The following FRMD4A variants were observed in gnomAD, a reference collection of about 807,000 sequenced individuals.
FRMD4A encodes the protein FERM domain-containing protein 4A.
FRMD4A carries 29 observed loss-of-function variants against 129.1 expected under a neutral mutation model. The ratio of observed to expected loss-of-function variants is 0.22; its 90% CI spans 0.17 to 0.31. The LOEUF is 0.31. Ranked by LOEUF, FRMD4A falls within the 10% of genes least tolerant of loss-of-function variation. The pLI is 1.00. For missense variants in FRMD4A, 1,272 were observed against 1,375.8 expected, an observed-to-expected ratio of 0.92 and a Z score of 1.19; for synonymous variants, 634 against 571.6, an observed-to-expected ratio of 1.11 and a Z score of -1.56.
chr10:14,220,995 A>G (rs976571430), intron 2 of FRMD4A, among the ~76,000 whole-genome samples: 1 of 151,956 alleles, frequency 6.6e-6, no homozygotes. Context: ...GAACCCTACC[A>G]TAATAGTCTG....
chr10:14,091,344 A>G (rs1195720157), intron 2 of FRMD4A, among the ~76,000 whole-genome samples: 2 of 152,200 alleles, frequency 1.3e-5, no homozygotes, highest in Non-Finnish European at 2.9e-5. Context: ...AAATAGCTGC[A>G]GGAAAAAATT....
intron 2 of FRMD4A, among the ~76,000 whole-genome samples, chr10:14,284,439 G>T (rs1415930898): frequency 6.6e-6 from 1 of 152,100 alleles, no homozygotes; most frequent in Non-Finnish European, 1.5e-5. Flanking sequence ...ACGAGATCAG[G>T]ACATCAAGAC....
At chr10:13,988,701 T>A (rs2095591642) in intron 2 of FRMD4A, among the ~76,000 whole-genome samples, 1 of 152,186 alleles carries the variant, frequency 6.6e-6, no homozygotes. Context: ...GTTGAACAGA[T>A]GGATGGATAG....
At chr10:14,178,657 T>C (rs529200930) in intron 2 of FRMD4A, among the ~76,000 whole-genome samples, 1 of 152,290 alleles carries the variant, frequency 6.6e-6, no homozygotes, top group South Asian at 2.1e-4. Context: ...CTAACACCCT[T>C]GACATTGATC....
chr10:13,768,193 G>T (rs2051867579), intron 6 of FRMD4A, among the ~76,000 whole-genome samples: 1 of 152,138 alleles, frequency 6.6e-6, no homozygotes, highest in African/African-American at 2.4e-5. Flanking sequence ...GCCGAAGGAA[G>T]AGGCCTGAGG....
At chr10:14,049,681 C>A (rs1232254667) in intron 2 of FRMD4A, among the ~76,000 whole-genome samples, 1 of 152,048 alleles carries the variant, frequency 6.6e-6, no homozygotes, top group Non-Finnish European at 1.5e-5. Context: ...ATGGCAAAAC[C>A]CTGTCTCTAC....
chr10:13,867,645 C>T lies in FRMD4A; in HGVS notation c.46-8733G>A, dbSNP rs28678225. Reference sequence around the variant, plus strand: ...TATGATATAATTATGATATATAATACATAATAAATATATAATATATAATAT... The same window carrying T: ...TATGATATAATTATGATATATAATATATAATAAATATATAATATATAATAT... On this transcript the variant is annotated intron_variant, in intron 2 of 24. Transcript: ENST00000357447. 1.2e-3 allele frequency among the ~76,000 whole-genome samples: 146 copies of T among 126,500 alleles called. 2 individuals carry two copies. The highest frequency in any genetic ancestry group is 4.3e-3 in the African/African-American group (144 of 33,234). 83.0% of individuals were successfully genotyped at this position (126,500 alleles called of 152,430 possible).
chr10:14,191,525 C>T (rs1170783348), intron 2 of FRMD4A, among the ~76,000 whole-genome samples: 1 of 152,192 alleles, frequency 6.6e-6, no homozygotes, highest in Non-Finnish European at 1.5e-5. Flanking sequence ...CGACCGCTCC[C>T]CTCTGTTTAT....
intron 2 of FRMD4A, among the ~76,000 whole-genome samples, chr10:13,882,054 A>C (rs1186501871): frequency 1.3e-5 from 2 of 149,008 alleles, no homozygotes; most frequent in Non-Finnish European, 3.0e-5. Context: ...TTAACATAAG[A>C]AAAGAAGTTT....
Position 13,846,306 on chromosome 10 carries a change from A to C in FRMD4A, c.111+12541T>G, listed in dbSNP as rs2094044868. Among the ~76,000 whole-genome samples the C allele has an allele frequency of 2.6e-5, 4 of 152,282 alleles. No individual in the cohort carries two copies. The South Asian group carries it at 8.3e-4, about 32-fold the overall frequency. On this transcript the variant is annotated intron_variant, in intron 3 of 24. Transcript: ENST00000357447. ...TACTTTCGCACCAACTAATACATTG[A>C]ACTTTTCAGGAATGTGTTTGCTTAT...
chr10:13,830,759 A>G (rs552119486), intron 3 of FRMD4A, among the ~76,000 whole-genome samples: 1 of 152,262 alleles, frequency 6.6e-6, no homozygotes, highest in East Asian at 1.9e-4. Flanking sequence ...GTGTGTGTGT[A>G]TGTGTGCACA....
At chr10:13,671,405 G>A (rs2083497804) in intron 16 of FRMD4A, among the ~76,000 whole-genome samples, 1 of 152,078 alleles carries the variant, frequency 6.6e-6, no homozygotes, top group Admixed American at 6.5e-5. Context: ...AGTGAGCCAA[G>A]ATCATGCCAC....
intron 2 of FRMD4A, among the ~76,000 whole-genome samples, chr10:14,185,625 C>G (rs576902525): frequency 8.6e-5 from 13 of 151,596 alleles, no homozygotes; most frequent in African/African-American, 2.9e-4. Flanking sequence ...GGGATATATA[C>G]TTCATGGTCA....
intron 2 of FRMD4A, among the ~76,000 whole-genome samples, chr10:14,215,810 C>T (rs528490830): frequency 6.6e-6 from 1 of 152,278 alleles, no homozygotes; most frequent in Non-Finnish European, 1.5e-5. Context: ...GGAAAGCCTA[C>T]CGTGAAATTA....
intron 24 of FRMD4A, among the ~76,000 whole-genome samples, chr10:13,650,746 G>A (rs761141715): frequency 3.7e-4 from 57 of 152,204 alleles, no homozygotes; most frequent in Non-Finnish European, 7.2e-4. Flanking sequence ...TTTCTCTACA[G>A]GAAACAAGAC....
At chr10:14,205,797 ACT>A (rs1159257157) in intron 2 of FRMD4A, among the ~76,000 whole-genome samples, 2 of 106,300 alleles carry the variant, frequency 1.9e-5, no homozygotes, top group East Asian at 2.7e-4. Flanking sequence ...ACAGAGCGAG[ACT>A]CTGTCTCAAA....
chr10:13,808,970 T>TACGCACGCACACACGCACGC (rs2093402039), intron 4 of FRMD4A, among the ~76,000 whole-genome samples: 2 of 152,188 alleles, frequency 1.3e-5, no homozygotes, highest in Admixed American at 6.5e-5. Flanking sequence ...GCCTGGCTTC[T>TACGCACGCACACACGCACGC]ACGCACGCAC....
At chr10:14,226,762 C>T (rs1843450960) in intron 2 of FRMD4A, among the ~76,000 whole-genome samples, 2 of 152,158 alleles carry the variant, frequency 1.3e-5, no homozygotes, top group Admixed American at 1.3e-4. Context: ...GCCTGCAAGG[C>T]TCCACCTCAC....
intron 2 of FRMD4A, among the ~76,000 whole-genome samples, chr10:13,964,421 A>AT (rs962191220): frequency 1.2e-5 from 1 of 83,214 alleles, no homozygotes; most frequent in African/African-American, 4.7e-5. Flanking sequence ...TATTTATTTT[A>AT]TTTTTCCTAT....
Sources: gnomAD v4.1 joint callset for allele counts (sites outside exome capture counted in the v4.1 genomes callset) on GRCh38, gnomAD v4.1.1 for gene constraint, MANE v1.5 for transcripts, NCBI Gene and HGNC (gene_info 2026-07-23, HGNC 2026-07-21) for gene names.